Variants in ADAMTS9 observed in about 807,000 individuals in gnomAD.
The protein encoded by ADAMTS9 is A disintegrin and metalloproteinase with thrombospondin motifs 9.
Under a neutral mutation model 257.1 loss-of-function variants are expected in ADAMTS9, and 107 were observed. That is an observed-to-expected ratio of 0.42 (90% CI 0.36 to 0.49). The LOEUF is 0.49. Ranked by LOEUF, ADAMTS9 falls within the 20% of genes least tolerant of loss-of-function variation. The pLI, the probability that ADAMTS9 is intolerant of heterozygous loss-of-function variation, is 0.03. For synonymous variants in ADAMTS9, 982 were observed against 880.9 expected, an observed-to-expected ratio of 1.11 and a Z score of -2.03; for missense variants, 2,353 against 2,469.1, an observed-to-expected ratio of 0.95 and a Z score of 1.00.
At position 64,594,567 on chromosome 3, in the gene ADAMTS9, G is replaced by A. The variant is rs964383230; in HGVS notation, c.4180-133C>T. 10 of 1,040,192 alleles carry A rather than the reference G, an allele frequency of 9.6e-6. No individual in the cohort carries two copies. In the East Asian group the frequency reaches 1.9e-4, roughly 20 times the overall value. 64.4% of individuals were successfully genotyped at this position (1,040,192 alleles called of 1,614,324 possible). On this transcript the variant is annotated intron_variant, in intron 27 of 39. Transcript: ENST00000498707. ...TAAGCCTCTGACAGATGGAACCAAGGTGAATTACCAATAGTGATACGTAAA... is the reference window on the plus strand; with the variant it reads ...TAAGCCTCTGACAGATGGAACCAAGATGAATTACCAATAGTGATACGTAAA...
chr3:64,631,794 G>T lies in ADAMTS9; in HGVS notation c.2293+14C>A. ...CCATATTCCTTCTCATGGTTCTTAG[G>T]AGCAGATTCTTACCATAATGTACTG... On this transcript the variant is annotated intron_variant, in intron 15 of 39. Transcript: ENST00000498707. 1.3e-6 allele frequency: 2 copies of T among 1,592,350 alleles called. No individual in the cohort carries two copies. The highest frequency in any genetic ancestry group is 1.3e-5 in the African/African-American group (1 of 74,494).
chr3:64,676,813 C>T (rs1701634734), intron 3 of ADAMTS9, among the ~76,000 whole-genome samples: 1 of 152,212 alleles, frequency 6.6e-6, no homozygotes, highest in Non-Finnish European at 1.5e-5. Flanking sequence ...ACAGAGTAGA[C>T]AGTTCTTAAA....
intron 3 of ADAMTS9, among the ~76,000 whole-genome samples, chr3:64,676,515 T>C (rs1039729622): frequency 1.6e-5 from 2 of 121,694 alleles, no homozygotes; most frequent in African/African-American, 6.2e-5. Context: ...AAATAGAGTT[T>C]ATCATTAAAA....
Position 64,649,783 on chromosome 3 carries a change from G to A in ADAMTS9, c.1464-5C>T, listed in dbSNP as rs372271802. 67 of 1,611,542 alleles carry A rather than the reference G, an allele frequency of 4.2e-5. No homozygotes were observed. Among genetic ancestry groups the A allele is most frequent in the Non-Finnish European group, 5.2e-5 (61 of 1,178,900 alleles). ...AAACACTCGCCATAACCAGTGCTAC[G>A]GAAACACACAGAAACACACAGATGG... On this transcript the variant is annotated splice_region_variant and splice_polypyrimidine_tract_variant and intron_variant, in intron 9 of 39. Transcript: ENST00000498707.
chr3:64,567,224 G>A lies in ADAMTS9; in HGVS notation c.4524+1144C>T, dbSNP rs181191043. Among the ~76,000 whole-genome samples the A allele has an allele frequency of 4.1e-4, 62 of 152,146 alleles. 1 individual carries two copies. In the East Asian group the frequency reaches 0.011, roughly 28 times the overall value. On this transcript the variant is annotated intron_variant, in intron 29 of 39. Transcript: ENST00000498707. ...TCGAATCCTCCCCACATTAATGTAC[G>A]CTATGACCAAAGCTGCTTTGGGGCC...
Position 64,651,141 on chromosome 3 carries a change from T to C in ADAMTS9, c.1339A>G (p.Asn447Asp). 6.3e-7 allele frequency: 1 copy of C among 1,589,336 alleles called. No homozygotes were observed. The highest frequency in any genetic ancestry group is 1.2e-5 in the South Asian group (1 of 85,736). The change falls in exon 9 of 40, where the codon AAC (asparagine) becomes GAC (aspartate). Residue 447 changes from asparagine to aspartate, a missense_variant. Asn to Asp is a conservative substitution (Grantham distance 23, BLOSUM62 1). Coordinates refer to ENST00000498707, the MANE Select transcript of ADAMTS9 (RefSeq NM_182920.2). ...GHVFNMPHDD[N>D]NKCKEEGVKS... ...ACTCCTTCTTCTTTACATTTGTTGT[T>C]GTCATCATGAGGCATGTTAAACCTA... is the stretch of plus-strand genomic sequence containing the variant.
At chr3:64,595,702 T>TACTA (rs1235701743) in intron 27 of ADAMTS9, among the ~76,000 whole-genome samples, 1 of 152,216 alleles carries the variant, frequency 6.6e-6, no homozygotes, top group Non-Finnish European at 1.5e-5. Flanking sequence ...TGCCTATGAC[T>TACTA]ACTAGGTTAT....
chr3:64,603,466 G>A (rs1320744565), intron 25 of ADAMTS9, among the ~76,000 whole-genome samples: 1 of 152,144 alleles, frequency 6.6e-6, no homozygotes, highest in East Asian at 1.9e-4. Flanking sequence ...CAGGTTCACA[G>A]CACTGGATGA....
intron 21 of ADAMTS9, 146 bp downstream of exon 21, chr3:64,615,175 G>T: frequency 1.1e-6 from 1 of 939,320 alleles, no homozygotes; most frequent in Non-Finnish European, 1.6e-6. Flanking sequence ...TGCAGGCAGA[G>T]AACTGGAGTT....
chr3:64,637,694 A>C (rs1395783268), intron 12 of ADAMTS9, among the ~76,000 whole-genome samples: 1 of 152,250 alleles, frequency 6.6e-6, no homozygotes, highest in Admixed American at 6.5e-5. Context: ...TAAAGATACA[A>C]CAGGCAGCCC....
At chr3:64,631,202 G>A (rs1700359977) in intron 16 of ADAMTS9, among the ~76,000 whole-genome samples, 1 of 152,134 alleles carries the variant, frequency 6.6e-6, no homozygotes, top group African/African-American at 2.4e-5. Flanking sequence ...TTTGACTTGG[G>A]GCCTTTCTAT....
intron 3 of ADAMTS9, among the ~76,000 whole-genome samples, chr3:64,664,024 A>T (rs953469893): frequency 6.6e-6 from 1 of 152,156 alleles, no homozygotes; most frequent in African/African-American, 2.4e-5. Context: ...TCACCAACGG[A>T]GTACACACTG....
chr3:64,649,867 T>C, intron 9 of ADAMTS9, 89 bp from the exon 10 acceptor site: 1 of 1,423,704 alleles, frequency 7.0e-7, no homozygotes, highest in Non-Finnish European at 9.5e-7. Flanking sequence ...CCCACCATTG[T>C]AATGGTAGAG....
chr3:64,646,325 C>T (rs1700786771), intron 11 of ADAMTS9, among the ~76,000 whole-genome samples: 1 of 152,186 alleles, frequency 6.6e-6, no homozygotes, highest in African/African-American at 2.4e-5. Context: ...TCTGAGGCCA[C>T]ATCTTGATTT....
intron 3 of ADAMTS9, among the ~76,000 whole-genome samples, chr3:64,667,439 G>C (rs780959018): frequency 9.2e-5 from 14 of 152,186 alleles, no homozygotes; most frequent in Non-Finnish European, 1.5e-4. Context: ...ACAAGACGCA[G>C]GTGGGATGTG....
Position 64,655,803 on chromosome 3 carries a change from G to C in ADAMTS9, c.1042C>G (p.His348Asp). ...NIVIVNLIVI[H>D]NEQDGPSISF... Reference sequence around the variant, plus strand: ...AAAAACTTTATTACCTGTTCATTATGAATCACAATTAAGTTCACAATAACA... The same window carrying C: ...AAAAACTTTATTACCTGTTCATTATCAATCACAATTAAGTTCACAATAACA... Residue 348 changes from histidine to aspartate, a missense_variant, in exon 5 of 40, where the codon CAT becomes GAT. This residue lies in a region of ADAMTS9 where 591 missense variants were observed against 569.6 expected (regional missense o/e 1.04). Transcript: ENST00000498707. 3 of 1,571,392 alleles carry C rather than the reference G, an allele frequency of 1.9e-6. No homozygotes were observed.
intron 12 of ADAMTS9, among the ~76,000 whole-genome samples, chr3:64,634,734 C>A (rs773122158): frequency 1.4e-4 from 22 of 152,138 alleles, no homozygotes; most frequent in Admixed American, 1.4e-3. Context: ...TGAAACAGCT[C>A]GGGTTTCACA....
intron 19 of ADAMTS9, among the ~76,000 whole-genome samples, chr3:64,619,841 T>C (rs1700061145): frequency 6.6e-6 from 1 of 152,124 alleles, no homozygotes. Context: ...ATTCATTTTT[T>C]TCCCCAAACT....
chr3:64,600,123 T>C (rs2084432636), intron 26 of ADAMTS9, among the ~76,000 whole-genome samples: 1 of 150,832 alleles, frequency 6.6e-6, no homozygotes, highest in African/African-American at 2.4e-5. Flanking sequence ...CAGAAATCTA[T>C]TATAAAATGA....
Sources: allele counts gnomAD v4.1 joint callset (sites outside exome capture counted in the v4.1 genomes callset), GRCh38; gene constraint gnomAD v4.1.1; regional missense constraint gnomAD v4.1.1; transcripts MANE v1.5; gene names NCBI Gene and HGNC (gene_info 2026-07-23, HGNC 2026-07-21).